LYPD6: variants seen among roughly 807,000 people sequenced by gnomAD.
LYPD6 encodes ly6/PLAUR domain-containing protein 6.
A neutral mutation model predicts 22.7 loss-of-function variants in LYPD6; 15 were observed. The ratio of observed to expected loss-of-function variants is 0.66; its 90% CI spans 0.44 to 1.02. The LOEUF (loss-of-function observed/expected upper bound fraction) is 1.02. Ranked by LOEUF, LYPD6 falls within the 50% of genes least tolerant of loss-of-function variation. The probability of loss-of-function intolerance (pLI) is 0.00; values close to 1 mark genes in which losing one functional copy is unlikely to be tolerated. For synonymous variants in LYPD6, 72 were observed against 77.5 expected, an observed-to-expected ratio of 0.93 and a Z score of 0.37; for missense variants, 189 against 208.4, an observed-to-expected ratio of 0.91 and a Z score of 0.57.
intron 3 of LYPD6, among the ~76,000 whole-genome samples, chr2:149,450,862 T>C (rs181995203): frequency 1.4e-4 from 21 of 152,318 alleles, no homozygotes; most frequent in Admixed American, 1.2e-3. Flanking sequence ...ATGGTTCTAA[T>C]ATGCAACCAA....
intron 1 of LYPD6, among the ~76,000 whole-genome samples, chr2:149,406,539 G>A (rs1292179969): frequency 6.6e-6 from 1 of 152,134 alleles, no homozygotes; most frequent in Non-Finnish European, 1.5e-5. Context: ...TGTTTTATCA[G>A]AGACTAGGAT....
chr2:149,417,385 A>T (rs1682988078), intron 1 of LYPD6, among the ~76,000 whole-genome samples: 2 of 152,212 alleles, frequency 1.3e-5, no homozygotes, highest in South Asian at 4.1e-4. Context: ...ATATTATTAG[A>T]TCTTTTAGAA....
intron 3 of LYPD6, among the ~76,000 whole-genome samples, chr2:149,462,092 G>A (rs1681099312): frequency 6.6e-6 from 1 of 151,826 alleles, no homozygotes; most frequent in Admixed American, 6.6e-5. Flanking sequence ...GATTGGAAAG[G>A]AAAATATGAC....
intron 1 of LYPD6, among the ~76,000 whole-genome samples, chr2:149,381,501 C>T (rs941913624): frequency 6.6e-6 from 1 of 152,036 alleles, no homozygotes; most frequent in Non-Finnish European, 1.5e-5. Context: ...GACCATGTGC[C>T]AGTTCTTTTC....
rs142705858 is a variant in LYPD6 at position 149,377,242 on chromosome 2, T to C, written c.-72+46520T>C. ...TGGAAACATGCGGAGTGATGTTGTC[T>C]GTCAGGTCTGCTGGCAGGTTCTGTT... On this transcript the variant is annotated intron_variant, in intron 1 of 4. Coordinates refer to ENST00000334166, the MANE Select transcript of LYPD6 (RefSeq NM_194317.5). Among the ~76,000 whole-genome samples, 56 of 151,446 alleles carry C rather than the reference T, an allele frequency of 3.7e-4. No individual in the cohort carries two copies. In the East Asian group the frequency reaches 0.01, roughly 27 times the overall value.
intron 3 of LYPD6, among the ~76,000 whole-genome samples, chr2:149,450,430 T>TC (rs1334355879): frequency 6.6e-6 from 1 of 152,170 alleles, no homozygotes; most frequent in African/African-American, 2.4e-5. Context: ...TAATGAAAAG[T>TC]CAGGGGTAAG....
At chr2:149,412,400 T>G (rs1032337488) in intron 1 of LYPD6, among the ~76,000 whole-genome samples, 5 of 152,228 alleles carry the variant, frequency 3.3e-5, no homozygotes, top group African/African-American at 1.2e-4. Context: ...AGATGACACT[T>G]ATCTATGTTT....
At chr2:149,415,362 A>G (rs1430717210) in intron 1 of LYPD6, among the ~76,000 whole-genome samples, 5 of 152,302 alleles carry the variant, frequency 3.3e-5, no homozygotes, top group African/African-American at 1.2e-4. Flanking sequence ...TGCCTGGCTG[A>G]AAAAGGAGGA....
chr2:149,361,029 C>T (rs1458202317), intron 1 of LYPD6, among the ~76,000 whole-genome samples: 2 of 152,110 alleles, frequency 1.3e-5, no homozygotes, highest in Admixed American at 6.5e-5. Context: ...GGGGTGGACC[C>T]CTGTAACAAA....
intron 2 of LYPD6, among the ~76,000 whole-genome samples, chr2:149,445,607 C>A (rs1056967710): frequency 6.6e-6 from 1 of 152,140 alleles, no homozygotes; most frequent in Admixed American, 6.5e-5. Flanking sequence ...GGATTTTTTC[C>A]TTAAACCTTG....
At chr2:149,392,857 C>T (rs1682342820) in intron 1 of LYPD6, among the ~76,000 whole-genome samples, 1 of 152,106 alleles carries the variant, frequency 6.6e-6, no homozygotes, top group Non-Finnish European at 1.5e-5. Context: ...AACTCCGTCT[C>T]TTCTAAAAAT....
At chr2:149,433,826 C>G (rs2105145990) in intron 1 of LYPD6, among the ~76,000 whole-genome samples, 1 of 152,286 alleles carries the variant, frequency 6.6e-6, no homozygotes, top group South Asian at 2.1e-4. Context: ...TGTGTCTAGT[C>G]TGTAAAAATA....
At chr2:149,457,766 A>G (rs1007763496) in intron 3 of LYPD6, among the ~76,000 whole-genome samples, 5 of 152,214 alleles carry the variant, frequency 3.3e-5, no homozygotes, top group African/African-American at 7.2e-5. Context: ...AAGTATGACA[A>G]AAAATTCTGA....
chr2:149,449,080 C>T lies in LYPD6; in HGVS notation c.150C>T (p.Phe50=), dbSNP rs1420192915. The change falls in exon 3 of 5, where the codon TTC becomes TTT. Residue 50 remains phenylalanine, a synonymous_variant. Coordinates refer to ENST00000334166, the MANE Select transcript of LYPD6 (RefSeq NM_194317.5). The stretch of plus-strand genomic sequence containing the variant: ...CATATCCTGGTGGATTTAAATGTTT[C>T]ACCTGTGAAAAGGCAGCAGACAATT... ...TTPYPGGFKC[F]TCEKAADNYE... is the part of the protein sequence containing the mutation. The T allele has an allele frequency of 3.1e-6, 5 of 1,613,354 alleles. No homozygotes were observed. The highest frequency in any genetic ancestry group is 4.2e-6 in the Non-Finnish European group (5 of 1,179,668).
At chr2:149,425,528 T>G (rs948715287) in intron 1 of LYPD6, among the ~76,000 whole-genome samples, 6 of 152,090 alleles carry the variant, frequency 3.9e-5, no homozygotes, top group Non-Finnish European at 5.9e-5. Flanking sequence ...AAGAAAGAAA[T>G]TAATTTAGAT....
chr2:149,373,213 G>C (rs914841538), intron 1 of LYPD6, among the ~76,000 whole-genome samples: 2 of 152,110 alleles, frequency 1.3e-5, no homozygotes, highest in Non-Finnish European at 2.9e-5. Flanking sequence ...GGAGGGAAGG[G>C]CCAGTGCCTG....
chr2:149,473,519 A>G lies in LYPD6; in HGVS notation c.*2669A>G, dbSNP rs892169245. ...GTGTATATTAAGCTATGTGCCACAT[A>G]TTTATTTTTAGACTCTCCACAGCAT... On this transcript the variant is annotated 3_prime_UTR_variant, in exon 5 of 5. Coordinates refer to ENST00000334166, the MANE Select transcript of LYPD6 (RefSeq NM_194317.5). The G allele has an allele frequency of 6.6e-6, 1 of 152,512 alleles. No individual in the cohort carries two copies. Among genetic ancestry groups the G allele is most frequent in the Non-Finnish European group, 1.5e-5 (1 of 68,044 alleles). 9.4% of individuals were successfully genotyped at this position (152,512 alleles called of 1,614,324 possible). A position where few individuals can be genotyped will look rare whatever the true frequency, so the allele number is the denominator to read the frequency against.
chr2:149,333,075 A>G (rs981008359), intron 1 of LYPD6, among the ~76,000 whole-genome samples: 3 of 152,224 alleles, frequency 2.0e-5, no homozygotes, highest in Non-Finnish European at 4.4e-5. Context: ...ATAAATGAAT[A>G]TCTCATTAGT....
At chr2:149,359,509 G>A (rs1020011101) in intron 1 of LYPD6, among the ~76,000 whole-genome samples, 7 of 152,212 alleles carry the variant, frequency 4.6e-5, no homozygotes, top group African/African-American at 1.7e-4. Flanking sequence ...AACATTAGAA[G>A]GGAATTTAAT....
Sources: gnomAD v4.1 joint callset for allele counts (sites outside exome capture counted in the v4.1 genomes callset) on GRCh38, gnomAD v4.1.1 for gene constraint, MANE v1.5 for transcripts, NCBI Gene and HGNC (gene_info 2026-07-23, HGNC 2026-07-21) for gene names.